Variants in PTPRM observed in about 807,000 individuals in gnomAD.
The protein encoded by PTPRM is receptor-type tyrosine-protein phosphatase mu.
Under a neutral mutation model 186.7 loss-of-function variants are expected in PTPRM, and 47 were observed. The ratio of observed to expected loss-of-function variants is 0.25; its 90% CI spans 0.20 to 0.32. The LOEUF is 0.32. Ranked by LOEUF, PTPRM falls within the 10% of genes least tolerant of loss-of-function variation. PTPRM has a pLI of 1.00. For synonymous variants in PTPRM, 668 were observed against 674.9 expected, an observed-to-expected ratio of 0.99 and a Z score of 0.16; for missense variants, 1,494 against 1,865.0, an observed-to-expected ratio of 0.80 and a Z score of 3.66.
intron 1 of PTPRM, among the ~76,000 whole-genome samples, chr18:7,760,176 G>A (rs1424397153): frequency 8.5e-5 from 13 of 152,110 alleles, no homozygotes. Context: ...CTTCTTGCTT[G>A]TATATTTAAC....
intron 14 of PTPRM, among the ~76,000 whole-genome samples, chr18:8,242,048 A>G (rs192819097): frequency 3.9e-5 from 6 of 152,260 alleles, no homozygotes; most frequent in Admixed American, 2.0e-4. Context: ...ATTGGCACAT[A>G]TATCCCTCCC....
intron 7 of PTPRM, among the ~76,000 whole-genome samples, chr18:8,002,878 G>A (rs1282242134): frequency 6.6e-6 from 1 of 152,162 alleles, no homozygotes; most frequent in African/African-American, 2.4e-5. Flanking sequence ...CCACTGATTT[G>A]ACAACTTGAG....
rs11334182 is a variant in PTPRM, at chr18:8,215,545, C to CT, written c.2301-28492dup. Among the ~76,000 whole-genome samples, 894 of 116,248 alleles carry CT rather than the reference C, an allele frequency of 7.7e-3. 7 individuals are homozygous for CT. The highest frequency in any genetic ancestry group is 0.012 in the African/African-American group (379 of 31,952). The allele number at this position is 116,248 out of a possible 152,430, so 76.3% of individuals were successfully genotyped here. On this transcript the variant is annotated intron_variant, in intron 14 of 32. Transcript: ENST00000580170. The stretch of plus-strand genomic sequence containing the variant: ...TTTTTTTTCTTTCTTTCTTTCTTTT[C>CT]TTTTTTTTTTTTTTTTTTTTTGAGA...
At chr18:8,034,744 T>G (rs984177445) in intron 7 of PTPRM, among the ~76,000 whole-genome samples, 1 of 152,318 alleles carries the variant, frequency 6.6e-6, no homozygotes, top group Non-Finnish European at 1.5e-5. Flanking sequence ...AGTATATATT[T>G]TCAGCCAAGT....
intron 14 of PTPRM, among the ~76,000 whole-genome samples, chr18:8,148,654 G>T (rs951210161): frequency 2.6e-5 from 4 of 152,042 alleles, no homozygotes; most frequent in African/African-American, 9.7e-5. Flanking sequence ...ATGTCCTTCA[G>T]TTCTGCTCTG....
chr18:7,913,604 G>A (rs1763927310), intron 4 of PTPRM, among the ~76,000 whole-genome samples: 2 of 151,974 alleles, frequency 1.3e-5, no homozygotes, highest in African/African-American at 4.8e-5. Flanking sequence ...CTATATTCTG[G>A]CATATTATAT....
chr18:7,746,027 G>A (rs991926150), intron 1 of PTPRM, among the ~76,000 whole-genome samples: 11 of 152,106 alleles, frequency 7.2e-5, no homozygotes, highest in African/African-American at 2.2e-4. Flanking sequence ...ACCTAATATG[G>A]AAATGGAGTC....
At chr18:8,379,832 A>G (rs2095720709) in intron 28 of PTPRM, among the ~76,000 whole-genome samples, 1 of 152,222 alleles carries the variant, frequency 6.6e-6, no homozygotes, top group South Asian at 2.1e-4. Context: ...CATATCATAA[A>G]AGGTACCTGA....
At chr18:7,598,057 G>A (rs2037310611) in intron 1 of PTPRM, among the ~76,000 whole-genome samples, 2 of 152,040 alleles carry the variant, frequency 1.3e-5, no homozygotes, top group Admixed American at 1.3e-4. Flanking sequence ...AAATTAGTGG[G>A]GTTTAGGTAT....
chr18:8,044,388 C>T (rs2148194395), intron 7 of PTPRM, among the ~76,000 whole-genome samples: 1 of 152,280 alleles, frequency 6.6e-6, no homozygotes. Flanking sequence ...GGTGGGAGTG[C>T]AGAGTGCTTG....
At chr18:7,925,971 A>G (rs1008710176) in intron 4 of PTPRM, among the ~76,000 whole-genome samples, 6 of 152,226 alleles carry the variant, frequency 3.9e-5, no homozygotes, top group South Asian at 2.1e-4. Context: ...TTGAATTAGA[A>G]ATAAGAATCA....
chr18:8,315,016 T>C (rs1420991744), intron 21 of PTPRM, among the ~76,000 whole-genome samples, 159 bp downstream of exon 21: 1 of 152,190 alleles, frequency 6.6e-6, no homozygotes, highest in Non-Finnish European at 1.5e-5. Context: ...GTGTGTCTGC[T>C]GAACGATTGT....
chr18:7,990,079 T>C (rs993261008), intron 7 of PTPRM, among the ~76,000 whole-genome samples: 2 of 152,078 alleles, frequency 1.3e-5, no homozygotes, highest in African/African-American at 4.8e-5. Context: ...AATTTTTGTA[T>C]TTTTAGTTGA....
At chr18:8,387,671 C>T (rs1401100433) in intron 31 of PTPRM, among the ~76,000 whole-genome samples, 1 of 152,078 alleles carries the variant, frequency 6.6e-6, no homozygotes, top group Non-Finnish European at 1.5e-5. Flanking sequence ...CAGCCAAAGG[C>T]CAGTTTACCA....
At chr18:7,575,433 T>G (rs2036665273) in intron 1 of PTPRM, among the ~76,000 whole-genome samples, 1 of 152,212 alleles carries the variant, frequency 6.6e-6, no homozygotes, top group Admixed American at 6.5e-5. Context: ...TCTCTAAGTC[T>G]TTATTGTAAA....
At chr18:8,015,939 C>G (rs564200301) in intron 7 of PTPRM, among the ~76,000 whole-genome samples, 1 of 152,000 alleles carries the variant, frequency 6.6e-6, no homozygotes, top group Non-Finnish European at 1.5e-5. Flanking sequence ...TATGAGACCT[C>G]GAAATATCAA....
At chr18:7,910,916 C>A (rs1364397869) in intron 4 of PTPRM, among the ~76,000 whole-genome samples, 1 of 152,116 alleles carries the variant, frequency 6.6e-6, no homozygotes, top group Admixed American at 6.5e-5. Flanking sequence ...TGCCTCTAGA[C>A]CCTATTCTCC....
chr18:8,389,245 G>C (rs192925919), intron 31 of PTPRM, among the ~76,000 whole-genome samples: 1 of 151,818 alleles, frequency 6.6e-6, no homozygotes, highest in East Asian at 1.9e-4. Context: ...CGCTCCCCCC[G>C]GGATTAGCAG....
intron 7 of PTPRM, among the ~76,000 whole-genome samples, chr18:8,033,639 C>T (rs2086140358): frequency 6.6e-6 from 1 of 152,182 alleles, no homozygotes; most frequent in Non-Finnish European, 1.5e-5. Context: ...TCTTATGGGA[C>T]CACTGTCTTA....
Sources: allele counts gnomAD v4.1 joint callset (sites outside exome capture counted in the v4.1 genomes callset), GRCh38; gene constraint gnomAD v4.1.1; transcripts MANE v1.5; gene names NCBI Gene and HGNC (gene_info 2026-07-23, HGNC 2026-07-21).